The following PPP2R2B variants were observed in gnomAD, a reference collection of about 807,000 sequenced individuals.
The protein encoded by PPP2R2B is protein phosphatase 2 regulatory subunit Bbeta, also known as serine/threonine-protein phosphatase 2A 55 kDa regulatory subunit B beta isoform.
Under a neutral mutation model 46.0 loss-of-function variants are expected in PPP2R2B, and 5 were observed. That is an observed-to-expected ratio of 0.11 (90% CI 0.06 to 0.23). PPP2R2B has a LOEUF of 0.23. Among genes scored for constraint, PPP2R2B ranks in the 10% least tolerant of loss-of-function variants. The pLI is 1.00. For missense variants in PPP2R2B, 367 were observed against 575.0 expected (o/e 0.64, Z 3.70); for synonymous variants, 215 against 206.7 (o/e 1.04, Z -0.34).
chr5:146,703,695 A>C (rs977997444), intron 2 of PPP2R2B, among the ~76,000 whole-genome samples: 1 of 152,212 alleles, frequency 6.6e-6, no homozygotes. Context: ...CTCTCACTTT[A>C]AGACCCATGC....
Position 146,586,795 on chromosome 5 carries a change from A to G in PPP2R2B, c.*3152T>C, listed in dbSNP as rs1432689339. ...AGAAGCAACTTGATTCCCACTGCCC[A>G]TCTGCCTTTATATATCCCACTTCTT... On this transcript the variant is annotated 3_prime_UTR_variant, in exon 10 of 10. Transcript: ENST00000394411. The G allele has an allele frequency of 1.3e-5, 2 of 152,210 alleles. No homozygotes were observed. The highest frequency in any genetic ancestry group is 2.9e-5 in the Non-Finnish European group (2 of 68,040). 9.4% of individuals were successfully genotyped at this position (152,210 alleles called of 1,614,324 possible).
At chr5:146,657,387 G>A (rs1239109952) in intron 5 of PPP2R2B, among the ~76,000 whole-genome samples, 1 of 152,194 alleles carries the variant, frequency 6.6e-6, no homozygotes, top group Non-Finnish European at 1.5e-5. Context: ...CATGGAGAAG[G>A]AAGAAAAGAG....
chr5:146,650,681 G>T lies in PPP2R2B; in HGVS notation c.491C>A (p.Pro164Gln), dbSNP rs757797492. The T allele has an allele frequency of 6.2e-7, 1 of 1,613,972 alleles. No individual in the cohort carries two copies. Among genetic ancestry groups the T allele is most frequent in the Admixed American group, 1.7e-5 (1 of 60,008 alleles). The change falls in exon 6 of 10, where the codon CCA (proline) becomes CAA (glutamine). Residue 164 changes from proline (P) to glutamine (Q), a missense_variant. Coordinates refer to ENST00000394411, the MANE Select transcript of PPP2R2B (RefSeq NM_181675.4). ...RPMDLMVEAT[P>Q]RRVFANAHTY... Reference sequence around the variant, plus strand: ...GTGTGCGTTGGCAAATACTCTTCGTGGGGTGGCCTCCACCATCAGGTCCAT... The same window carrying T: ...GTGTGCGTTGGCAAATACTCTTCGTTGGGTGGCCTCCACCATCAGGTCCAT...
At chr5:146,646,409 A>G (rs1775583339) in intron 6 of PPP2R2B, among the ~76,000 whole-genome samples, 1 of 152,222 alleles carries the variant, frequency 6.6e-6, no homozygotes. Context: ...CTAGAAAACT[A>G]CTAATCTATT....
At chr5:146,681,293 T>C (rs1778155322) in intron 5 of PPP2R2B, among the ~76,000 whole-genome samples, 3 of 152,236 alleles carry the variant, frequency 2.0e-5, no homozygotes, top group African/African-American at 2.4e-5. Context: ...TAGTAAAGTC[T>C]AGTTGAAAAA....
intron 2 of PPP2R2B, among the ~76,000 whole-genome samples, chr5:146,761,798 G>T (rs1754182521): frequency 6.6e-6 from 1 of 152,110 alleles, no homozygotes; most frequent in African/African-American, 2.4e-5. Flanking sequence ...AAAACACCTA[G>T]CATGGTGCCT....
At chr5:146,879,525 T>C (rs1240569570), upstream of PPP2R2B, among the ~76,000 whole-genome samples, 2 of 152,120 alleles carry the variant, frequency 1.3e-5, no homozygotes, top group African/African-American at 4.8e-5. Flanking sequence ...GGAAGGTACA[T>C]TGAAGCACAG....
chr5:146,925,584 T>A (rs1278665593), intron 1 of PPP2R2B, among the ~76,000 whole-genome samples: 1 of 152,228 alleles, frequency 6.6e-6, no homozygotes, highest in East Asian at 1.9e-4. Context: ...GGATTTGGCA[T>A]ACAACAGTTT....
At chr5:146,644,234 C>CAAAAAAA (rs58634387) in intron 6 of PPP2R2B, among the ~76,000 whole-genome samples, 3 of 60,660 alleles carry the variant, frequency 4.9e-5, no homozygotes, top group Non-Finnish European at 9.1e-5. Context: ...AGGAAAGTTT[C>CAAAAAAA]AAAAAAAAAA....
At chr5:146,677,789 A>C (rs945810900) in intron 5 of PPP2R2B, among the ~76,000 whole-genome samples, 10 of 151,982 alleles carry the variant, frequency 6.6e-5, no homozygotes, top group Non-Finnish European at 8.8e-5. Flanking sequence ...CAGCCTCCCA[A>C]AGTGCTGGGA....
chr5:146,970,260 C>T (rs1257624424), intron 1 of PPP2R2B, among the ~76,000 whole-genome samples: 1 of 152,140 alleles, frequency 6.6e-6, no homozygotes, highest in Non-Finnish European at 1.5e-5. Flanking sequence ...AGAACCTACA[C>T]CCTGAACTAT....
At chr5:146,807,645 T>G (rs1757255045) in intron 2 of PPP2R2B, among the ~76,000 whole-genome samples, 1 of 152,042 alleles carries the variant, frequency 6.6e-6, no homozygotes, top group South Asian at 2.1e-4. Context: ...GAGATGTAAC[T>G]TGCCCAAATT....
chr5:146,739,710 G>A (rs907503918), intron 2 of PPP2R2B, among the ~76,000 whole-genome samples: 15 of 152,200 alleles, frequency 9.9e-5, no homozygotes, highest in African/African-American at 3.6e-4. Context: ...TGTGTTTCAT[G>A]TACTTCTCAC....
At chr5:146,865,646 T>C (rs1761269940) in intron 2 of PPP2R2B, among the ~76,000 whole-genome samples, 1 of 152,232 alleles carries the variant, frequency 6.6e-6, no homozygotes, top group Admixed American at 6.5e-5. Flanking sequence ...TTAAAATAAC[T>C]ACTGAGTGAA....
At chr5:146,880,901 G>A (rs1762144462), upstream of PPP2R2B, among the ~76,000 whole-genome samples, 1 of 152,182 alleles carries the variant, frequency 6.6e-6, no homozygotes, top group Non-Finnish European at 1.5e-5. Context: ...TAGATTTCAA[G>A]GTTTCCATTT....
chr5:146,837,471 G>A (rs1487034093), intron 2 of PPP2R2B, among the ~76,000 whole-genome samples: 4 of 152,204 alleles, frequency 2.6e-5, no homozygotes, highest in African/African-American at 9.6e-5. Flanking sequence ...GGTGGGAGAA[G>A]AAAGTGATGT....
intron 2 of PPP2R2B, among the ~76,000 whole-genome samples, chr5:146,826,536 C>T (rs1758589303): frequency 6.6e-6 from 1 of 152,158 alleles, no homozygotes; most frequent in Admixed American, 6.5e-5. Flanking sequence ...GCACAAGCTG[C>T]TGGAATCACA....
chr5:146,747,904 C>A (rs930810937), intron 2 of PPP2R2B, among the ~76,000 whole-genome samples: 2 of 151,958 alleles, frequency 1.3e-5, no homozygotes, highest in East Asian at 3.9e-4. Context: ...TAGGACGATA[C>A]GAAGGGTGAT....
At chr5:147,080,833 T>G (rs1419341821) in intron 2 of PPP2R2B, among the ~76,000 whole-genome samples, 2 of 152,052 alleles carry the variant, frequency 1.3e-5, no homozygotes, top group African/African-American at 4.8e-5. Context: ...CAAATCTACT[T>G]TACTGAAAGT....
Sources: allele counts gnomAD v4.1 joint callset (sites outside exome capture counted in the v4.1 genomes callset), GRCh38; gene constraint gnomAD v4.1.1; transcripts MANE v1.5; gene names NCBI Gene and HGNC (gene_info 2026-07-23, HGNC 2026-07-21).